Variants in REV3L observed in about 807,000 individuals in gnomAD.
REV3L encodes DNA polymerase zeta catalytic subunit.
Under a neutral mutation model 299.4 loss-of-function variants are expected in REV3L, and 69 were observed. The ratio of observed to expected loss-of-function variants is 0.23; its 90% CI spans 0.19 to 0.28. The LOEUF is 0.28. Among genes scored for constraint, REV3L ranks in the 10% least tolerant of loss-of-function variants. The pLI, the probability that REV3L is intolerant of heterozygous loss-of-function variation, is 1.00. For missense variants in REV3L, 3,128 were observed against 3,693.8 expected (o/e 0.85, Z 3.97); for synonymous variants, 1,238 against 1,271.4 (o/e 0.97, Z 0.56).
At chr6:111,429,997 A>T (rs1249421587) in intron 1 of REV3L, among the ~76,000 whole-genome samples, 2 of 152,186 alleles carry the variant, frequency 1.3e-5, no homozygotes, top group African/African-American at 2.4e-5. Context: ...CATGACAAAC[A>T]AAAGGACAGA....
intron 1 of REV3L, among the ~76,000 whole-genome samples, chr6:111,462,423 G>A (rs1233331217): frequency 6.6e-6 from 1 of 152,030 alleles, no homozygotes; most frequent in Non-Finnish European, 1.5e-5. Context: ...TCTTAAATAT[G>A]TATGGATCTA....
At chr6:111,383,779 C>A (rs1040824541) in intron 9 of REV3L, among the ~76,000 whole-genome samples, 1 of 151,934 alleles carries the variant, frequency 6.6e-6, no homozygotes, top group African/African-American at 2.4e-5. Flanking sequence ...TTATAAGGAA[C>A]CACAAAAGAT....
intron 1 of REV3L, among the ~76,000 whole-genome samples, chr6:111,464,739 C>A (rs945817035): frequency 6.6e-6 from 1 of 152,162 alleles, no homozygotes; most frequent in Non-Finnish European, 1.5e-5. Flanking sequence ...TGGTTGCTCA[C>A]GCCTGTAATC....
intron 4 of REV3L, 64 bp downstream of exon 4, chr6:111,405,406 A>G (rs1783519504): frequency 8.8e-7 from 1 of 1,139,688 alleles, no homozygotes; most frequent in South Asian, 1.5e-5. Flanking sequence ...ATCACTGACT[A>G]TATAACACTT....
chr6:111,329,342 CTT>C (rs753012263), intron 25 of REV3L, among the ~76,000 whole-genome samples, 188 bp downstream of exon 25: 4 of 139,298 alleles, frequency 2.9e-5, no homozygotes, highest in African/African-American at 2.6e-5. Flanking sequence ...CATGCCTGGC[CTT>C]TTTTTTTTTT....
At chr6:111,399,012 C>T (rs1323652041) in intron 4 of REV3L, among the ~76,000 whole-genome samples, 7 of 152,148 alleles carry the variant, frequency 4.6e-5, no homozygotes, top group African/African-American at 1.7e-4. Flanking sequence ...TCTGTAAACA[C>T]TTCCGATATT....
At chr6:111,341,410 C>T (rs1776472183) in intron 21 of REV3L, among the ~76,000 whole-genome samples, 1 of 152,196 alleles carries the variant, frequency 6.6e-6, no homozygotes, top group African/African-American at 2.4e-5. Flanking sequence ...TCTGTTACTT[C>T]ACTTCACTTC....
At chr6:111,388,350 A>C (rs916445980) in intron 7 of REV3L, among the ~76,000 whole-genome samples, 23 of 152,168 alleles carry the variant, frequency 1.5e-4, no homozygotes, top group African/African-American at 5.3e-4. Flanking sequence ...TTCTCTACCT[A>C]TAAATATATT....
At chr6:111,386,499 G>T (rs972171741) in intron 9 of REV3L, among the ~76,000 whole-genome samples, 4 of 151,978 alleles carry the variant, frequency 2.6e-5, no homozygotes, top group African/African-American at 4.8e-5. Context: ...ATTGCTGGTG[G>T]GAAAGTAAAA....
intron 22 of REV3L, 75 bp downstream of exon 22, chr6:111,335,394 C>A (rs1775803574): frequency 6.9e-7 from 1 of 1,450,086 alleles, no homozygotes; most frequent in East Asian, 2.5e-5. Context: ...TTTAAAAAGT[C>A]AAATCACTTC....
At position 111,333,274 on chromosome 6, in the gene REV3L, G is replaced by A. The variant is rs1775573006; in HGVS notation, c.7774C>T (p.Pro2592Ser). 1 of 1,614,054 alleles carries A rather than the reference G, an allele frequency of 6.2e-7. No individual in the cohort carries two copies. Among genetic ancestry groups the A allele is most frequent in the Non-Finnish European group, 8.5e-7 (1 of 1,179,992 alleles). ...TCCATAATTAGAGGAACACACTGTG[G>A]GGCTCTCATCTGGGATCTTTGCTGA... ...SVQQRSQMRA[P>S]QCVPLIMEPE... is the part of the protein sequence containing the mutation. The change falls in exon 23 of 32, where the codon CCA (proline) becomes TCA (serine). Residue 2592 changes from proline to serine, a missense_variant. Physicochemically the swap from Pro to Ser is moderately conservative, Grantham distance 74. Coordinates refer to ENST00000368802, the MANE Select transcript of REV3L (RefSeq NM_001372078.1).
chr6:111,341,762 G>A (rs1030849383), intron 21 of REV3L, among the ~76,000 whole-genome samples: 9 of 151,856 alleles, frequency 5.9e-5, no homozygotes, highest in Non-Finnish European at 1.2e-4. Context: ...GAGTTGGGGG[G>A]GGTCAGAAGT....
intron 1 of REV3L, chr6:111,460,342 G>A (rs1282897223): frequency 1.3e-5 from 2 of 151,896 alleles, no homozygotes; most frequent in Non-Finnish European, 2.9e-5. Flanking sequence ...GGGTTCAGTC[G>A]TACTTCAAAC....
At chr6:111,405,119 A>AG (rs892565021) in intron 4 of REV3L, among the ~76,000 whole-genome samples, 5 of 152,240 alleles carry the variant, frequency 3.3e-5, no homozygotes, top group African/African-American at 4.8e-5. Context: ...AAAAAAAAAA[A>AG]AGAATCACAA....
intron 1 of REV3L, among the ~76,000 whole-genome samples, chr6:111,453,411 C>A (rs1314843074): frequency 1.3e-5 from 2 of 152,156 alleles, no homozygotes; most frequent in African/African-American, 4.8e-5. Context: ...ATCTCCATTT[C>A]ATGGAGACGT....
chr6:111,326,843 ACT>A (rs1582527606), intron 25 of REV3L, among the ~76,000 whole-genome samples: 1 of 150,608 alleles, frequency 6.6e-6, no homozygotes, highest in East Asian at 1.9e-4. Flanking sequence ...TTCCATTTTT[ACT>A]CTATTGGTGC....
At chr6:111,305,612 TAAATAA>T (rs1280788423) in intron 31 of REV3L, among the ~76,000 whole-genome samples, 1 of 151,464 alleles carries the variant, frequency 6.6e-6, no homozygotes, top group African/African-American at 2.4e-5. Flanking sequence ...TAAAAATAAA[TAAATAA>T]AAAGAAAAAA....
intron 1 of REV3L, among the ~76,000 whole-genome samples, chr6:111,469,124 T>G (rs1045872372): frequency 6.6e-6 from 1 of 152,088 alleles, no homozygotes; most frequent in African/African-American, 2.4e-5. Flanking sequence ...ATCACACCAT[T>G]GCACTCCAGC....
At position 111,329,724 on chromosome 6, in the gene REV3L, T is replaced by C. The variant is rs1403665944; in HGVS notation, c.8049A>G (p.Lys2683=). The C allele has an allele frequency of 6.2e-7, 1 of 1,612,234 alleles. No homozygotes were observed. The highest frequency in any genetic ancestry group is 8.5e-7 in the Non-Finnish European group (1 of 1,179,518). Residue 2683 remains lysine, a synonymous_variant, in exon 25 of 32, where the codon AAA becomes AAG. Coordinates refer to ENST00000368802, the MANE Select transcript of REV3L (RefSeq NM_001372078.1). The stretch of plus-strand genomic sequence containing the variant: ...CTTCAAGCATTCTTGGTAGTACACC[T>C]TTTCTTACTGAAGGCTATCATAAAG... The part of the protein sequence containing the change: ...GVAFVKPSVR[K]GVLPRMLEEI...
Sources: gnomAD v4.1 joint callset for allele counts (sites outside exome capture counted in the v4.1 genomes callset) on GRCh38, gnomAD v4.1.1 for gene constraint, MANE v1.5 for transcripts, NCBI Gene and HGNC (gene_info 2026-07-23, HGNC 2026-07-21) for gene names.